The following APH1B variants were observed in gnomAD, a reference collection of about 807,000 sequenced individuals.
APH1B encodes the protein gamma-secretase subunit APH-1B.
Under a neutral mutation model 28.2 loss-of-function variants are expected in APH1B, and 27 were observed. The observed-to-expected ratio is 0.96, with a 90% CI of 0.70 to 1.32. The LOEUF (loss-of-function observed/expected upper bound fraction) is 1.32. APH1B is among the 40% of genes most tolerant of loss of function. The pLI, the probability that APH1B is intolerant of heterozygous loss-of-function variation, is 0.00. For synonymous variants in APH1B, 141 were observed against 124.6 expected (o/e 1.13, Z -0.88); for missense variants, 305 against 313.6 (o/e 0.97, Z 0.21).
chr15:63,292,598 C>T (rs1047646192), intron 4 of APH1B, among the ~76,000 whole-genome samples: 9 of 151,964 alleles, frequency 5.9e-5, no homozygotes, highest in Non-Finnish European at 7.4e-5. Flanking sequence ...TTATGTTGCC[C>T]GGGCTAGTCC....
rs2038638248 is a variant in APH1B at position 63,302,278 on chromosome 15, A to T, written c.479-67A>T. 6 of 1,572,448 alleles carry T rather than the reference A, an allele frequency of 3.8e-6. No individual in the cohort carries two copies. The South Asian group carries it at 5.9e-5, about 15-fold the overall frequency. On this transcript the variant is annotated intron_variant, in intron 4 of 5. Transcript: ENST00000261879. ...TGGTGGACACCCCGAGAGCCCGTGC[A>T]CAGTGCCAGGGTCCTCAGTGGTTCT...
At position 63,307,673 on chromosome 15, in the gene APH1B, TG is replaced by T. The variant is rs2038700491; in HGVS notation, c.*1894del. The stretch of plus-strand genomic sequence containing the variant: ...AAGAAAAATACATAGTTGGTTATTA[TG>T]GACTTAAAACTGTGTTAAATGGATA... On this transcript the variant is annotated 3_prime_UTR_variant, in exon 6 of 6. Coordinates refer to ENST00000261879, the MANE Select transcript of APH1B (RefSeq NM_031301.4). 6.6e-6 allele frequency: 1 copy of T among 152,250 alleles called. No homozygotes were observed. Among genetic ancestry groups the T allele is most frequent in the Non-Finnish European group, 1.5e-5 (1 of 68,046 alleles). The allele number at this position is 152,250 out of a possible 1,614,324, so 9.4% of individuals were successfully genotyped here. A position where few individuals can be genotyped will look rare whatever the true frequency, so the allele number is the denominator to read the frequency against.
chr15:63,295,349 T>C (rs962156863), intron 4 of APH1B, among the ~76,000 whole-genome samples: 1 of 152,278 alleles, frequency 6.6e-6, no homozygotes, highest in Admixed American at 6.5e-5. Flanking sequence ...CCAGGCTGCC[T>C]TGGGCCTCAT....
At position 63,286,599 on chromosome 15, in the gene APH1B, C is replaced by G. The variant is rs1238316136; in HGVS notation, c.326C>G (p.Thr109Arg). ...EGLKSINPGE[T>R]APSMRLLAYV... ...TTGAAGAGTATAAACCCAGGTGAGA[C>G]AGCACCCTCTATGCGACTGCTGGCC... Residue 109 changes from threonine (T) to arginine (R), a missense_variant, in exon 3 of 6, where the codon ACA becomes AGA. Transcript: ENST00000261879. 1 of 1,607,008 alleles carries G rather than the reference C, an allele frequency of 6.2e-7. No homozygotes were observed. Among genetic ancestry groups the G allele is most frequent in the African/African-American group, 1.4e-5 (1 of 73,920 alleles).
intron 1 of APH1B, 74 bp downstream of exon 1, chr15:63,277,810 GC>G: frequency 7.0e-7 from 1 of 1,420,124 alleles, no homozygotes; most frequent in Non-Finnish European, 9.7e-7. Context: ...GACCCTCGGC[GC>G]CCCCACCGCG....
At chr15:63,284,967 A>G (rs1171617224) in intron 2 of APH1B, among the ~76,000 whole-genome samples, 2 of 152,232 alleles carry the variant, frequency 1.3e-5, no homozygotes, top group African/African-American at 4.8e-5. Context: ...TGTGTCCCAT[A>G]AGCTTTAATT....
At position 63,286,605 on chromosome 15, in the gene APH1B, C is replaced by G. The variant is rs1272820270; in HGVS notation, c.332C>G (p.Pro111Arg). 1.9e-6 allele frequency: 3 copies of G among 1,607,310 alleles called. No homozygotes were observed. The highest frequency in any genetic ancestry group is 2.5e-6 in the Non-Finnish European group (3 of 1,177,554). Reference sequence around the variant, plus strand: ...AGTATAAACCCAGGTGAGACAGCACCCTCTATGCGACTGCTGGCCTATGGT... The same window carrying G: ...AGTATAAACCCAGGTGAGACAGCACGCTCTATGCGACTGCTGGCCTATGGT... ...LKSINPGETAPSMRLLAYVSG... is the reference protein window; with the variant it reads ...LKSINPGETARSMRLLAYVSG... The change falls in exon 3 of 6, where the codon CCC becomes CGC. Residue 111 changes from proline (P) to arginine (R), a missense_variant. Physicochemically the swap from Pro to Arg is moderately radical, Grantham distance 103 (BLOSUM62 -2). Transcript: ENST00000261879.
chr15:63,278,959 C>G (rs142879127), intron 1 of APH1B, among the ~76,000 whole-genome samples: 1 of 152,328 alleles, frequency 6.6e-6, no homozygotes, highest in African/African-American at 2.4e-5. Context: ...CAGCCTTCCT[C>G]TTGGACACGT....
intron 4 of APH1B, among the ~76,000 whole-genome samples, chr15:63,291,089 G>A (rs1008625092): frequency 4.6e-5 from 7 of 151,562 alleles, no homozygotes; most frequent in Admixed American, 2.0e-4. Flanking sequence ...CAGAAATAAC[G>A]CCTAGCTCAG....
intron 2 of APH1B, among the ~76,000 whole-genome samples, chr15:63,280,178 T>C (rs1377685683): frequency 1.3e-5 from 2 of 152,226 alleles, no homozygotes; most frequent in Admixed American, 1.3e-4. Flanking sequence ...TTTTGTGGTA[T>C]TTCCTGTAGT....
Position 63,307,996 on chromosome 15 carries a change from CTG to C in APH1B, c.*2217_*2218del, listed in dbSNP as rs963993582. 4.6e-5 allele frequency: 7 copies of C among 152,166 alleles called. No individual in the cohort carries two copies. The highest frequency in any genetic ancestry group is 1.7e-4 in the African/African-American group (7 of 41,430). The allele number at this position is 152,166 out of a possible 1,614,324, so 9.4% of individuals were successfully genotyped here. A position where few individuals can be genotyped will look rare whatever the true frequency, so the allele number is the denominator to read the frequency against. On this transcript the variant is annotated 3_prime_UTR_variant, in exon 6 of 6. Transcript: ENST00000261879. ...AGCCTTTCCAGAGTCAGCTTAGACA[CTG>C]TTGTCGCAAATAGCCATGCTTTGCC... is the stretch of plus-strand genomic sequence containing the variant.
intron 4 of APH1B, among the ~76,000 whole-genome samples, chr15:63,292,491 G>A (rs758718705): frequency 6.6e-6 from 1 of 152,134 alleles, no homozygotes; most frequent in Non-Finnish European, 1.5e-5. Flanking sequence ...CTGGGCTCAA[G>A]TGATCCTCCC....
intron 4 of APH1B, among the ~76,000 whole-genome samples, chr15:63,299,571 A>AT (rs1432498873): frequency 3.3e-5 from 5 of 151,706 alleles, no homozygotes; most frequent in Non-Finnish European, 5.9e-5. Context: ...CGCCCGGCTA[A>AT]TTTTTTGTAT....
intron 4 of APH1B, among the ~76,000 whole-genome samples, chr15:63,288,443 T>A (rs2038470681): frequency 6.6e-6 from 1 of 152,244 alleles, no homozygotes; most frequent in Non-Finnish European, 1.5e-5. Context: ...CATTCACCAT[T>A]CGCAGTAGAC....
intron 4 of APH1B, among the ~76,000 whole-genome samples, chr15:63,299,629 C>A (rs2038603369): frequency 6.6e-6 from 1 of 152,084 alleles, no homozygotes; most frequent in East Asian, 1.9e-4. Context: ...TGGTCTCGAT[C>A]TCCTGACCTC....
At chr15:63,284,218 C>CTTTTT (rs34480156) in intron 2 of APH1B, among the ~76,000 whole-genome samples, 1 of 138,178 alleles carries the variant, frequency 7.2e-6, no homozygotes. Flanking sequence ...ATGTGCTTTG[C>CTTTTT]TTTTTTTTTT....
intron 1 of APH1B, chr15:63,278,219 T>A: frequency 2.3e-6 from 1 of 442,536 alleles, no homozygotes; most frequent in Admixed American, 2.5e-5. Context: ...TCAGAATGTC[T>A]AGGGGATGGG....
intron 5 of APH1B, among the ~76,000 whole-genome samples, chr15:63,302,982 A>G (rs2038648929): frequency 6.6e-6 from 1 of 152,210 alleles, no homozygotes; most frequent in Non-Finnish European, 1.5e-5. Context: ...ATGTTGGTGT[A>G]TATTGAATAG....
intron 1 of APH1B, 88 bp from the exon 2 acceptor site, chr15:63,279,073 C>G (rs1224133538): frequency 9.4e-7 from 1 of 1,066,030 alleles, no homozygotes; most frequent in Non-Finnish European, 1.3e-6. Flanking sequence ...TCTTCCTTCT[C>G]AAGCAGGTTT....
Sources: allele counts gnomAD v4.1 joint callset (sites outside exome capture counted in the v4.1 genomes callset), GRCh38; gene constraint gnomAD v4.1.1; transcripts MANE v1.5; gene names NCBI Gene and HGNC (gene_info 2026-07-23, HGNC 2026-07-21).